The following AGBL1 variants were observed in gnomAD, a reference collection of about 807,000 sequenced individuals.
AGBL1 encodes the protein cytosolic carboxypeptidase 4.
A neutral mutation model predicts 118.9 loss-of-function variants in AGBL1; 130 were observed. That is an observed-to-expected ratio of 1.09 (90% CI 0.95 to 1.26). AGBL1 has a LOEUF of 1.26. Among genes scored for constraint, AGBL1 ranks in the 50% most tolerant of loss-of-function variants. AGBL1 has a pLI of 0.00. For missense variants in AGBL1, 1,584 were observed against 1,298.1 expected (o/e 1.22, Z -3.38); for synonymous variants, 555 against 478.9 (o/e 1.16, Z -2.08).
chr15:86,773,461 C>T (rs2078209437), intron 22 of AGBL1, among the ~76,000 whole-genome samples: 1 of 151,166 alleles, frequency 6.6e-6, no homozygotes, highest in Non-Finnish European at 1.5e-5. Context: ...ATTAACTAGT[C>T]ATTTAACATT....
At chr15:86,504,500 CTCT>C (rs1160059734) in intron 18 of AGBL1, among the ~76,000 whole-genome samples, 3 of 151,398 alleles carry the variant, frequency 2.0e-5, no homozygotes, top group Non-Finnish European at 4.4e-5. Flanking sequence ...TTTCATTCCT[CTCT>C]TATTTCTTTT....
intron 24 of AGBL1, among the ~76,000 whole-genome samples, chr15:87,024,674 C>G (rs1228438458): frequency 1.3e-5 from 2 of 151,438 alleles, no homozygotes; most frequent in Non-Finnish European, 3.0e-5. Flanking sequence ...AAACCAGGAT[C>G]TAGCCCAAAA....
chr15:86,905,162 T>C (rs1216441771), intron 22 of AGBL1, among the ~76,000 whole-genome samples: 1 of 151,246 alleles, frequency 6.6e-6, no homozygotes, highest in Non-Finnish European at 1.5e-5. Flanking sequence ...TGGGAAAATA[T>C]TACATCTGGT....
rs1220232147 is a variant in AGBL1, at chr15:86,295,286, A to G, written c.2252A>G (p.Asn751Ser). 5 of 1,613,606 alleles carry G rather than the reference A, an allele frequency of 3.1e-6. No individual in the cohort carries two copies. The East Asian group carries it at 1.1e-4, about 36-fold the overall frequency. Residue 751 changes from asparagine (N) to serine (S), a missense_variant, in exon 17 of 23, where the codon AAC becomes AGC. Physicochemically the swap from Asn to Ser is conservative, Grantham distance 46. Transcript: ENST00000614907. ...CTTGACATCCTGGAAAAGAGTGTCA[A>G]CCTCAAAGAGGTCTACTTCCGGCAA... is the stretch of plus-strand genomic sequence containing the variant. ...THLDILEKSV[N>S]LKEVYFRQDV...
chr15:86,657,563 A>G (rs1188136489), intron 21 of AGBL1, among the ~76,000 whole-genome samples: 1 of 152,208 alleles, frequency 6.6e-6, no homozygotes, highest in African/African-American at 2.4e-5. Flanking sequence ...AGTGACTCAC[A>G]GTGGGATATA....
intron 5 of AGBL1, among the ~76,000 whole-genome samples, chr15:86,173,470 G>A (rs919734064): frequency 2.6e-5 from 4 of 151,902 alleles, no homozygotes; most frequent in Non-Finnish European, 5.9e-5. Context: ...GTCTGTTTGT[G>A]TTTTTGTTGC....
intron 18 of AGBL1, among the ~76,000 whole-genome samples, chr15:86,488,633 A>G (rs2082740023): frequency 6.6e-6 from 1 of 151,914 alleles, no homozygotes; most frequent in African/African-American, 2.4e-5. Context: ...CTTCTGACAC[A>G]TCCCCTCACT....
chr15:86,877,598 G>A lies in AGBL1; in HGVS notation c.3159-29489G>A, dbSNP rs1276239049. ...TCCCCTACAGGAAGGAAACACACTA[G>A]GCATCTCCAAGTCCAGTTAGAACTT... On this transcript the variant is annotated intron_variant, in intron 22 of 22. Transcript: ENST00000614907. Among the ~76,000 whole-genome samples, 3 of 152,140 alleles carry A rather than the reference G, an allele frequency of 2.0e-5. No homozygotes were observed. The East Asian group carries it at 5.8e-4, about 29-fold the overall frequency.
In AGBL1 at chr15:86,142,405, G is replaced by A. The variant is rs1213714306; in HGVS notation, c.115+338G>A. Among the ~76,000 whole-genome samples the A allele has an allele frequency of 3.9e-5, 6 of 152,160 alleles. No individual in the cohort carries two copies. In the South Asian group the frequency reaches 6.2e-4, roughly 16 times the overall value. ...GAAGCTGCTTTGGCTATTTGAAGTA[G>A]AGGCAGGAATATCAGGCAGAAGCTG... is the stretch of plus-strand genomic sequence containing the variant. On this transcript the variant is annotated intron_variant, in intron 2 of 22. Coordinates refer to ENST00000614907, the MANE Select transcript of AGBL1 (RefSeq NM_001386094.1).
At chr15:86,391,540 C>T (rs1010883418) in intron 17 of AGBL1, among the ~76,000 whole-genome samples, 16 of 151,738 alleles carry the variant, frequency 1.1e-4, no homozygotes, top group African/African-American at 3.6e-4. Flanking sequence ...GAAATCAAAC[C>T]TGCTCTCCTG....
At chr15:86,258,929 A>G (rs1182668517) in intron 9 of AGBL1, among the ~76,000 whole-genome samples, 5 of 152,006 alleles carry the variant, frequency 3.3e-5, no homozygotes. Context: ...CTGGTCTCGA[A>G]CTCTTGACCT....
intron 21 of AGBL1, among the ~76,000 whole-genome samples, chr15:86,566,876 T>A (rs529953673): frequency 3.5e-4 from 53 of 152,192 alleles, no homozygotes; most frequent in Admixed American, 1.3e-3. Flanking sequence ...GATGTAGAGT[T>A]CCAGGGAGAG....
At chr15:86,453,804 C>A (rs2082227348) in intron 18 of AGBL1, among the ~76,000 whole-genome samples, 1 of 152,088 alleles carries the variant, frequency 6.6e-6, no homozygotes, top group Non-Finnish European at 1.5e-5. Context: ...AAAACCCCAG[C>A]CTTACCCATT....
chr15:86,251,976 G>T (rs780848883), intron 7 of AGBL1, among the ~76,000 whole-genome samples: 14 of 152,178 alleles, frequency 9.2e-5, no homozygotes, highest in East Asian at 1.9e-4. Context: ...GGCCTGAAAG[G>T]TTGCTAAAAT....
At chr15:86,400,774 A>G (rs911463724) in intron 18 of AGBL1, among the ~76,000 whole-genome samples, 16 of 152,110 alleles carry the variant, frequency 1.1e-4, no homozygotes, top group African/African-American at 3.9e-4. Context: ...AAGTTGCTGC[A>G]AAGGCCATTA....
intron 17 of AGBL1, among the ~76,000 whole-genome samples, chr15:86,396,243 G>GTGTATATATATA (rs928214589): frequency 1.6e-5 from 2 of 126,630 alleles, no homozygotes; most frequent in African/African-American, 6.2e-5. Context: ...GTGTGTGTGT[G>GTGTATATATATA]TATATATATA....
intron 23 of AGBL1, among the ~76,000 whole-genome samples, chr15:86,973,682 A>G (rs2081134105): frequency 6.6e-6 from 1 of 151,884 alleles, no homozygotes. Context: ...AGAAAGAGAA[A>G]GGATCTTTGT....
At chr15:86,502,978 G>C (rs1227614788) in intron 18 of AGBL1, among the ~76,000 whole-genome samples, 1 of 151,366 alleles carries the variant, frequency 6.6e-6, no homozygotes, top group Admixed American at 6.6e-5. Context: ...GGAAAGTTTT[G>C]TGAAAGATTG....
rs146232196 is a variant in AGBL1, at chr15:86,832,771, A to T, written c.3159-74316A>T. On this transcript the variant is annotated intron_variant, in intron 22 of 22. Coordinates refer to ENST00000614907, the MANE Select transcript of AGBL1 (RefSeq NM_001386094.1). ...CTTCTGAGTCCTTCAGACTGTTCCA[A>T]CCTCTGCCTGTTACCCAGTTCCAAA... 1.6e-3 allele frequency among the ~76,000 whole-genome samples: 250 copies of T among 152,174 alleles called. 1 individual carries two copies. The highest frequency in any genetic ancestry group is 4.2e-3 in the South Asian group (20 of 4,808).
Sources: gnomAD v4.1 joint callset for allele counts (sites outside exome capture counted in the v4.1 genomes callset) on GRCh38, gnomAD v4.1.1 for gene constraint, MANE v1.5 for transcripts, NCBI Gene and HGNC (gene_info 2026-07-23, HGNC 2026-07-21) for gene names.